PDSS2: variants seen among roughly 807,000 people sequenced by gnomAD.
The protein encoded by PDSS2 is all trans-polyprenyl-diphosphate synthase PDSS2.
Under a neutral mutation model 44.5 loss-of-function variants are expected in PDSS2, and 31 were observed. That is an observed-to-expected ratio of 0.70 (90% confidence interval 0.52 to 0.94). The LOEUF (loss-of-function observed/expected upper bound fraction) is 0.94, where lower values mean the gene tolerates loss of function less well. Among genes scored for constraint, PDSS2 ranks in the 40% least tolerant of loss-of-function variants. The probability of loss-of-function intolerance (pLI) is 0.00; values close to 1 mark genes in which losing one functional copy is unlikely to be tolerated. For missense variants in PDSS2, 452 were observed against 482.2 expected, an observed-to-expected ratio of 0.94 and a Z score of 0.59; for synonymous variants, 157 against 180.3, an observed-to-expected ratio of 0.87 and a Z score of 1.03.
intron 1 of PDSS2, among the ~76,000 whole-genome samples, chr6:107,446,439 A>C (rs969657939): frequency 6.6e-6 from 1 of 152,184 alleles, no homozygotes; most frequent in African/African-American, 2.4e-5. Flanking sequence ...AAAACCAAAA[A>C]ATTGATATTG....
In PDSS2 at chr6:107,274,667, C is replaced by CTTTT. The variant is rs5878910; in HGVS notation, c.432-444_432-441dup. On this transcript the variant is annotated intron_variant, in intron 2 of 7. Coordinates refer to ENST00000369037, the MANE Select transcript of PDSS2 (RefSeq NM_020381.4). ...GGCATTACATACATTATCTCTCTCT[C>CTTTT]TTTTTTTTTTTTTTTTTTTTGTTTA... Among the ~76,000 whole-genome samples, 25 of 106,550 alleles carry CTTTT rather than the reference C, an allele frequency of 2.3e-4. 1 individual carries two copies. Among genetic ancestry groups the CTTTT allele is most frequent in the Admixed American group, 3.5e-4 (3 of 8,464 alleles). The allele number at this position is 106,550 out of a possible 152,430, so 69.9% of individuals were successfully genotyped here. A position where few individuals can be genotyped will look rare whatever the true frequency, so the allele number is the denominator to read the frequency against.
chr6:107,188,505 C>A (rs576695480), intron 7 of PDSS2, among the ~76,000 whole-genome samples: 1 of 152,190 alleles, frequency 6.6e-6, no homozygotes, highest in South Asian at 2.1e-4. Flanking sequence ...AACAGCACTA[C>A]TCTAAACTGC....
intron 7 of PDSS2, among the ~76,000 whole-genome samples, chr6:107,177,891 T>C (rs1324489002): frequency 6.6e-6 from 1 of 152,196 alleles, no homozygotes; most frequent in Non-Finnish European, 1.5e-5. Context: ...TACTGTGGGA[T>C]GAGAGCATTC....
intron 1 of PDSS2, among the ~76,000 whole-genome samples, chr6:107,378,554 G>T (rs999343742): frequency 1.1e-4 from 17 of 152,188 alleles, no homozygotes; most frequent in Non-Finnish European, 2.4e-4. Flanking sequence ...GGGAGGCCAA[G>T]GTGGGTGGAT....
chr6:107,287,150 G>A (rs1454007999), intron 2 of PDSS2, among the ~76,000 whole-genome samples: 3 of 152,222 alleles, frequency 2.0e-5, no homozygotes, highest in African/African-American at 7.2e-5. Flanking sequence ...CAGTTTTGGT[G>A]AAGGTAGAAA....
chr6:107,239,775 G>A (rs1774356442), intron 4 of PDSS2, among the ~76,000 whole-genome samples: 1 of 151,136 alleles, frequency 6.6e-6, no homozygotes, highest in African/African-American at 2.4e-5. Flanking sequence ...CCAAGTAGCT[G>A]GGATTACAGG....
chr6:107,392,922 A>G (rs319114), intron 1 of PDSS2, among the ~76,000 whole-genome samples: 108,711 of 151,858 alleles, frequency 0.72, 39,503 homozygotes, highest in Middle Eastern at 0.79. Flanking sequence ...CCTTTATACC[A>G]AACTGGGGAC....
At chr6:107,235,539 G>T (rs971535115) in intron 4 of PDSS2, among the ~76,000 whole-genome samples, 8 of 152,160 alleles carry the variant, frequency 5.3e-5, no homozygotes, top group African/African-American at 1.9e-4. Flanking sequence ...ACACCTGAAA[G>T]AATCAAACTG....
At chr6:107,289,170 C>G (rs113993630) in intron 2 of PDSS2, among the ~76,000 whole-genome samples, 2 of 150,354 alleles carry the variant, frequency 1.3e-5, no homozygotes, top group Non-Finnish European at 3.0e-5. Flanking sequence ...GTCAGCAGTT[C>G]GAGACCAGTC....
chr6:107,157,850 T>G (rs1355060391), intron 7 of PDSS2, among the ~76,000 whole-genome samples: 1 of 151,948 alleles, frequency 6.6e-6, no homozygotes, highest in Non-Finnish European at 1.5e-5. Context: ...TTTTTGTATT[T>G]TTAGTAGAGA....
At chr6:107,372,163 G>A (rs1779145373) in intron 1 of PDSS2, among the ~76,000 whole-genome samples, 1 of 152,142 alleles carries the variant, frequency 6.6e-6, no homozygotes, top group African/African-American at 2.4e-5. Context: ...AAGGGGGGTA[G>A]TCACCAAACT....
chr6:107,421,134 T>G (rs1780811782), intron 1 of PDSS2, among the ~76,000 whole-genome samples: 1 of 152,188 alleles, frequency 6.6e-6, no homozygotes, highest in African/African-American at 2.4e-5. Flanking sequence ...AAAGCTAAGA[T>G]GAGATATTAC....
At chr6:107,201,169 C>A (rs962950981) in intron 6 of PDSS2, among the ~76,000 whole-genome samples, 1 of 152,108 alleles carries the variant, frequency 6.6e-6, no homozygotes, top group Admixed American at 6.6e-5. Flanking sequence ...ATTCACTCAT[C>A]TTTTTGCCTC....
intron 7 of PDSS2, among the ~76,000 whole-genome samples, chr6:107,188,147 C>T (rs1209921643): frequency 3.3e-5 from 5 of 152,048 alleles, no homozygotes; most frequent in Admixed American, 2.0e-4. Context: ...GAGGCTGAGG[C>T]GGGCAGATCG....
intron 1 of PDSS2, among the ~76,000 whole-genome samples, chr6:107,385,445 T>C (rs774954570): frequency 1.6e-4 from 24 of 152,304 alleles, no homozygotes; most frequent in Non-Finnish European, 2.8e-4. Flanking sequence ...CGCTGGTTAA[T>C]ACCAATTGAC....
At chr6:107,402,451 C>CACATATATATACTTATATATATGTAT (rs1780141043) in intron 1 of PDSS2, among the ~76,000 whole-genome samples, 1 of 8,120 alleles carries the variant, frequency 1.2e-4, no homozygotes, top group Non-Finnish European at 2.6e-4. Context: ...CACACACACA[C>CACATATATATACTTATATATATGTAT]ACATATATAT....
intron 1 of PDSS2, among the ~76,000 whole-genome samples, chr6:107,394,200 T>C (rs1425121161): frequency 6.6e-6 from 1 of 152,176 alleles, no homozygotes; most frequent in Non-Finnish European, 1.5e-5. Context: ...TTCAAGTGGT[T>C]CTTCTAGGAT....
chr6:107,309,632 G>T (rs1776971283), intron 2 of PDSS2, among the ~76,000 whole-genome samples: 1 of 152,164 alleles, frequency 6.6e-6, no homozygotes, highest in Non-Finnish European at 1.5e-5. Flanking sequence ...GAAGGATGCT[G>T]GGGTGTGCCA....
At chr6:107,155,858 A>G (rs1770869290) in intron 7 of PDSS2, among the ~76,000 whole-genome samples, 1 of 134,654 alleles carries the variant, frequency 7.4e-6, no homozygotes, top group African/African-American at 2.8e-5. Flanking sequence ...GATTACAGGC[A>G]TGAGCCACCT....
Sources: allele counts gnomAD v4.1 joint callset (sites outside exome capture counted in the v4.1 genomes callset), GRCh38; gene constraint gnomAD v4.1.1; transcripts MANE v1.5; gene names NCBI Gene and HGNC (gene_info 2026-07-23, HGNC 2026-07-21).